COPG2: variants seen among roughly 807,000 people sequenced by gnomAD.
COPG2 encodes coatomer subunit gamma-2.
Under a neutral mutation model 46.3 loss-of-function variants are expected in COPG2, and 37 were observed. The observed-to-expected ratio is 0.80, with a 90% confidence interval of 0.61 to 1.05. COPG2 has a LOEUF of 1.05. COPG2 is among the 50% of genes least tolerant of loss of function. The pLI, the probability that COPG2 is intolerant of heterozygous loss-of-function variation, is 0.00. For missense variants in COPG2, 427 were observed against 387.8 expected (o/e 1.10, Z -0.85); for synonymous variants, 159 against 129.7 (o/e 1.23, Z -1.53).
rs1328767205 is a variant in COPG2, at chr7:130,580,724, G to A, written c.738-16331C>T. 5.9e-5 allele frequency among the ~76,000 whole-genome samples: 7 copies of A among 118,246 alleles called. No homozygotes were observed. In the East Asian group the frequency reaches 7.2e-4, roughly 12 times the overall value. The allele number at this position is 118,246 out of a possible 152,430, so 77.6% of individuals were successfully genotyped here. ...CAGAGAATACTACAAACACCTCTAC[G>A]CAAATAAACTAGAAAATCTAGAAGA... On this transcript the variant is annotated intron_variant, in intron 9 of 23. Transcript: ENST00000425248.
At chr7:130,555,390 C>CA (rs1793604883) in intron 12 of COPG2, among the ~76,000 whole-genome samples, 1 of 152,164 alleles carries the variant, frequency 6.6e-6, no homozygotes, top group East Asian at 1.9e-4. Context: ...CCCTCTGTCT[C>CA]AGACAAATGA....
At chr7:130,667,021 C>T (rs1287611482) in intron 2 of COPG2, 92 bp from the exon 3 acceptor site, 16 of 656,660 alleles carry the variant, frequency 2.4e-5, no homozygotes, top group Admixed American at 6.8e-5. Context: ...TTTTTAATCA[C>T]GGTATCCAAA....
At chr7:130,548,713 T>C (rs1793484553) in intron 18 of COPG2, among the ~76,000 whole-genome samples, 171 bp from the exon 19 acceptor site, 1 of 152,040 alleles carries the variant, frequency 6.6e-6, no homozygotes, top group Non-Finnish European at 1.5e-5. Flanking sequence ...CCATCCTGGC[T>C]AAGACCATCC....
intron 20 of COPG2, chr7:130,511,107 GA>G (rs1799588090): frequency 2.4e-6 from 1 of 411,908 alleles, no homozygotes; most frequent in East Asian, 6.6e-5. Context: ...ACAGGAGAGG[GA>G]CATGTGAGTT....
chr7:130,611,698 G>A (rs1365395086), intron 8 of COPG2, among the ~76,000 whole-genome samples: 1 of 152,122 alleles, frequency 6.6e-6, no homozygotes, highest in African/African-American at 2.4e-5. Context: ...ACAATTTCCA[G>A]TGAAGAATTT....
intron 6 of COPG2, among the ~76,000 whole-genome samples, chr7:130,615,080 T>C (rs782721112): frequency 2.6e-5 from 4 of 152,232 alleles, no homozygotes; most frequent in Non-Finnish European, 4.4e-5. Flanking sequence ...TCAAAAAGGA[T>C]GGCTCCAAGT....
rs781867978 is a variant in COPG2, at chr7:130,662,949, A to G, written c.243+18T>C. The G allele has an allele frequency of 6.8e-7, 1 of 1,479,752 alleles. No individual in the cohort carries two copies. The highest frequency in any genetic ancestry group is 1.2e-5 in the South Asian group (1 of 80,140). 91.7% of individuals were successfully genotyped at this position (1,479,752 alleles called of 1,614,324 possible). ...AAAAGGAGGTTTTTCATCGTAAAAA[A>G]AATTTAAAAAGACTTACATCATTAG... On this transcript the variant is annotated intron_variant, in intron 4 of 23. Coordinates refer to ENST00000425248, the MANE Select transcript of COPG2 (RefSeq NM_012133.6).
intron 7 of COPG2, 71 bp downstream of exon 7, chr7:130,613,473 T>C: frequency 3.5e-6 from 3 of 846,526 alleles, no homozygotes; most frequent in Non-Finnish European, 2.0e-6. Flanking sequence ...GAGACAATCA[T>C]AGTGATACTT....
At position 130,532,410 on chromosome 7, in the gene COPG2, C is replaced by T. The variant is rs993543412; in HGVS notation, c.2149+15264G>A. Among the ~76,000 whole-genome samples the T allele has an allele frequency of 2.8e-3, 424 of 151,988 alleles. 1 individual carries two copies. The highest frequency in any genetic ancestry group is 8.9e-3 in the African/African-American group (369 of 41,412). On this transcript the variant is annotated intron_variant, in intron 20 of 23. Transcript: ENST00000425248. ...AAGGCGCAAAGGGGAATGGAGACAG[C>T]GTGGAAGGAGAGCGTCTTGAAGATA...
intron 5 of COPG2, among the ~76,000 whole-genome samples, chr7:130,648,012 G>A (rs201038228): frequency 6.6e-6 from 1 of 152,082 alleles, no homozygotes; most frequent in African/African-American, 2.4e-5. Context: ...TTACACGCGT[G>A]AGCCACCGTG....
At chr7:130,523,774 C>T (rs1052620597) in intron 20 of COPG2, among the ~76,000 whole-genome samples, 5 of 151,750 alleles carry the variant, frequency 3.3e-5, no homozygotes, top group South Asian at 2.1e-4. Context: ...TCTGTTGTCA[C>T]GGGGAGGAAA....
chr7:130,652,903 T>A lies in COPG2; in HGVS notation c.289A>T (p.Thr97Ser), dbSNP rs1183919423. The change falls in exon 5 of 24, where the codon ACC (threonine) becomes TCC (serine). Residue 97 changes from threonine to serine, a missense_variant. Thr to Ser is a moderately conservative substitution (Grantham distance 58). Transcript: ENST00000425248. ...ACAATTATCACATCCTCAGAGATGGTAGCCATTTCTTTGATGGTAAGGTAG... is the reference window on the plus strand; with the variant it reads ...ACAATTATCACATCCTCAGAGATGGAAGCCATTTCTTTGATGGTAAGGTAG... The part of the protein sequence containing the change: ...MCYLTIKEMA[T>S]ISEDVIIVTS... The A allele has an allele frequency of 1.9e-6, 3 of 1,607,772 alleles. No homozygotes were observed. The highest frequency in any genetic ancestry group is 2.2e-5 in the South Asian group (2 of 89,716).
chr7:130,511,389 T>C (rs184298601), intron 20 of COPG2: 2 of 519,696 alleles, frequency 3.8e-6, no homozygotes. Flanking sequence ...GGGTGCAGCA[T>C]AGTGTGTAGG....
At chr7:130,569,113 A>C (rs1183999721) in intron 9 of COPG2, among the ~76,000 whole-genome samples, 1 of 152,172 alleles carries the variant, frequency 6.6e-6, no homozygotes, top group Non-Finnish European at 1.5e-5. Flanking sequence ...GAAAGAGCAT[A>C]AATAGATGAT....
At chr7:130,603,794 A>G (rs1298264280) in intron 9 of COPG2, 4 of 517,394 alleles carry the variant, frequency 7.7e-6, no homozygotes, top group Non-Finnish European at 1.5e-5. Context: ...TGTACAGTTG[A>G]TCCTCGAACA....
chr7:130,627,964 G>C (rs1012554624), intron 5 of COPG2, among the ~76,000 whole-genome samples: 4 of 152,132 alleles, frequency 2.6e-5, no homozygotes, highest in Non-Finnish European at 5.9e-5. Context: ...TTATCATTTA[G>C]GGAGATTTTG....
At chr7:130,586,684 G>C (rs1045678408) in intron 9 of COPG2, among the ~76,000 whole-genome samples, 1 of 151,868 alleles carries the variant, frequency 6.6e-6, no homozygotes, top group Non-Finnish European at 1.5e-5. Flanking sequence ...GGATGGTCTT[G>C]ATCTCCTGAC....
chr7:130,624,479 C>G (rs987323822), intron 5 of COPG2, among the ~76,000 whole-genome samples: 3 of 151,854 alleles, frequency 2.0e-5, no homozygotes, highest in African/African-American at 7.3e-5. Context: ...TAGATAAGTT[C>G]TTTAGTGGTG....
At chr7:130,574,949 A>G (rs1554446002) in intron 9 of COPG2, among the ~76,000 whole-genome samples, 1 of 152,186 alleles carries the variant, frequency 6.6e-6, no homozygotes, top group Non-Finnish European at 1.5e-5. Context: ...AAGTAGAAGA[A>G]AGAAATTCAG....
Sources: gnomAD v4.1 joint callset for allele counts (sites outside exome capture counted in the v4.1 genomes callset) on GRCh38, gnomAD v4.1.1 for gene constraint, MANE v1.5 for transcripts, NCBI Gene and HGNC (gene_info 2026-07-23, HGNC 2026-07-21) for gene names.